Variants in SP140 observed in about 807,000 individuals in gnomAD.
SP140 encodes nuclear body protein SP140.
In SP140, 81 loss-of-function variants were observed where a neutral mutation model predicts 125.0. The ratio of observed to expected loss-of-function variants is 0.65; its 90% CI spans 0.54 to 0.78. The LOEUF is 0.78. Ranked by LOEUF, SP140 falls within the 30% of genes least tolerant of loss-of-function variation. The pLI is 0.00. For synonymous variants in SP140, 312 were observed against 354.0 expected (o/e 0.88, Z 1.33); for missense variants, 858 against 1,037.0 (o/e 0.83, Z 2.37).
intron 15 of SP140, among the ~76,000 whole-genome samples, chr2:230,277,017 G>A (rs1322856408): frequency 6.6e-6 from 1 of 152,102 alleles, no homozygotes; most frequent in Non-Finnish European, 1.5e-5. Context: ...GCAGTTTCTT[G>A]AGATGGAATT....
chr2:230,276,053 T>C (rs1204838919), intron 15 of SP140, among the ~76,000 whole-genome samples: 1 of 152,170 alleles, frequency 6.6e-6, no homozygotes, highest in East Asian at 1.9e-4. Flanking sequence ...AACATTAAAG[T>C]GCAAGGCGAA....
intron 17 of SP140, among the ~76,000 whole-genome samples, chr2:230,286,114 G>T (rs2056351674): frequency 6.6e-6 from 1 of 152,072 alleles, no homozygotes; most frequent in Admixed American, 6.5e-5. Context: ...TATTAAAATG[G>T]CTGGACCTGG....
chr2:230,244,869 G>A (rs1344196124), intron 5 of SP140, 119 bp from the exon 6 acceptor site: 2 of 652,498 alleles, frequency 3.1e-6, no homozygotes, highest in African/African-American at 1.8e-5. Flanking sequence ...GCTCAGGCGA[G>A]GTCCTTGGAG....
At position 230,278,873 on chromosome 2, in the gene SP140, G is replaced by A. The variant is rs577386023; in HGVS notation, c.1499-5473G>A. 7.2e-5 allele frequency among the ~76,000 whole-genome samples: 11 copies of A among 152,120 alleles called. No individual in the cohort carries two copies. In the East Asian group the frequency reaches 2.1e-3, roughly 29 times the overall value. On this transcript the variant is annotated intron_variant, in intron 15 of 26. Transcript: ENST00000392045. ...AGAGCAAGTAAGAAAGAAAGAAAAG[G>A]CATCCAAATTGGAAAGAAGTTAAAT...
At chr2:230,250,562 G>A (rs1171555087) in intron 9 of SP140, among the ~76,000 whole-genome samples, 1 of 152,078 alleles carries the variant, frequency 6.6e-6, no homozygotes, top group African/African-American at 2.4e-5. Flanking sequence ...GAAAGGGGGT[G>A]ACAAGGAAAT....
rs1435128865 is a variant in SP140 at position 230,243,727 on chromosome 2, G to A, written c.491-4G>A. ...CATCTAAGGGATTTCATTCCTTTCG[G>A]CAGAGAACAGCAATGCCTGTCATGA... On this transcript the variant is annotated splice_polypyrimidine_tract_variant and splice_region_variant and intron_variant, in intron 4 of 26. Coordinates refer to ENST00000392045, the MANE Select transcript of SP140 (RefSeq NM_007237.5). 6.2e-7 allele frequency: 1 copy of A among 1,608,670 alleles called. No individual in the cohort carries two copies. The highest frequency in any genetic ancestry group is 8.5e-7 in the Non-Finnish European group (1 of 1,175,894).
At chr2:230,243,437 A>G (rs2048987687) in intron 4 of SP140, among the ~76,000 whole-genome samples, 1 of 152,204 alleles carries the variant, frequency 6.6e-6, no homozygotes, top group Non-Finnish European at 1.5e-5. Flanking sequence ...ACATCCGCAG[A>G]AAAAAACAGA....
intron 3 of SP140, among the ~76,000 whole-genome samples, chr2:230,216,108 T>A (rs1324668543): frequency 6.6e-6 from 1 of 152,196 alleles, no homozygotes; most frequent in African/African-American, 2.4e-5. Flanking sequence ...CTGTCTCACA[T>A]CAGAATGCAC....
At chr2:230,280,179 G>A (rs150041335) in intron 15 of SP140, among the ~76,000 whole-genome samples, 87 of 152,024 alleles carry the variant, frequency 5.7e-4, no homozygotes, top group Non-Finnish European at 1.0e-3. Flanking sequence ...TCTTTATCTT[G>A]TTGCTTTACT....
At chr2:230,295,526 GC>G (rs907113578) in intron 21 of SP140, among the ~76,000 whole-genome samples, 12 of 152,208 alleles carry the variant, frequency 7.9e-5, no homozygotes, top group Non-Finnish European at 1.6e-4. Context: ...ATTCTGGGGT[GC>G]AAAACTTAGC....
chr2:230,284,527 A>G lies in SP140; in HGVS notation c.1564+116A>G, dbSNP rs879226256. On this transcript the variant is annotated intron_variant, in intron 16 of 26. Coordinates refer to ENST00000392045, the MANE Select transcript of SP140 (RefSeq NM_007237.5). ...GAGTTCTATACCTCCTGTATCCATTAGGATGTAGACTAACAGGCTGTGACA... is the reference window on the plus strand; with the variant it reads ...GAGTTCTATACCTCCTGTATCCATTGGGATGTAGACTAACAGGCTGTGACA... The G allele has an allele frequency of 3.7e-6, 3 of 811,512 alleles. No homozygotes were observed. In the South Asian group the frequency reaches 6.6e-5, roughly 18 times the overall value. The allele number at this position is 811,512 out of a possible 1,614,324, so 50.3% of individuals were successfully genotyped here.
chr2:230,249,996 C>T (rs2050111351), intron 9 of SP140, among the ~76,000 whole-genome samples: 1 of 152,218 alleles, frequency 6.6e-6, no homozygotes, highest in Non-Finnish European at 1.5e-5. Flanking sequence ...CCAAGCTCTT[C>T]CATCCATGTG....
At chr2:230,217,697 A>T (rs2045374700) in intron 3 of SP140, among the ~76,000 whole-genome samples, 1 of 152,204 alleles carries the variant, frequency 6.6e-6, no homozygotes, top group Non-Finnish European at 1.5e-5. Flanking sequence ...AGAGTGGAAG[A>T]GCTGGGAGCA....
intron 20 of SP140, among the ~76,000 whole-genome samples, chr2:230,293,153 C>T (rs2057318530): frequency 6.6e-6 from 1 of 152,156 alleles, no homozygotes; most frequent in African/African-American, 2.4e-5. Context: ...AAACCAGAAC[C>T]ATGGCAAAAG....
chr2:230,302,597 C>A (rs993463571), intron 22 of SP140, among the ~76,000 whole-genome samples: 11 of 151,978 alleles, frequency 7.2e-5, no homozygotes, highest in Non-Finnish European at 1.3e-4. Context: ...CCAACAACTG[C>A]AGAACATACA....
intron 10 of SP140, among the ~76,000 whole-genome samples, chr2:230,252,544 G>A (rs537823002): frequency 6.6e-6 from 1 of 152,068 alleles, no homozygotes; most frequent in Non-Finnish European, 1.5e-5. Context: ...AGAGACATGT[G>A]TCAAGCATGA....
downstream of SP140, among the ~76,000 whole-genome samples, chr2:230,314,778 G>C (rs770554747): frequency 9.2e-5 from 14 of 152,364 alleles, no homozygotes; most frequent in South Asian, 8.3e-4. Flanking sequence ...ACTAACTAAA[G>C]GGAGAAGGAA....
At chr2:230,296,180 G>A (rs1575288719) in intron 21 of SP140, among the ~76,000 whole-genome samples, 2 of 152,290 alleles carry the variant, frequency 1.3e-5, no homozygotes, top group East Asian at 1.9e-4. Context: ...GGTCAAAGCT[G>A]TACTGGGCTG....
chr2:230,292,634 C>G lies in SP140; in HGVS notation c.1826-12C>G. The G allele has an allele frequency of 6.2e-7, 1 of 1,614,084 alleles. No homozygotes were observed. The highest frequency in any genetic ancestry group is 1.1e-5 in the South Asian group (1 of 91,076). ...AAAGAGGGCTCAGGATCAAGTTACC[C>G]TGGTCTTACAGGAATCTTGGTGAAG... On this transcript the variant is annotated splice_polypyrimidine_tract_variant and intron_variant, in intron 19 of 26. Transcript: ENST00000392045.
Sources: allele counts gnomAD v4.1 joint callset (sites outside exome capture counted in the v4.1 genomes callset), GRCh38; gene constraint gnomAD v4.1.1; transcripts MANE v1.5; gene names NCBI Gene and HGNC (gene_info 2026-07-23, HGNC 2026-07-21).